ADCY5: variants seen among roughly 807,000 people sequenced by gnomAD.
ADCY5 encodes adenylate cyclase type 5.
ADCY5 carries 30 observed loss-of-function variants against 119.7 expected under a neutral mutation model. The observed-to-expected ratio is 0.25, with a 90% CI of 0.19 to 0.34. ADCY5 has a LOEUF of 0.34. ADCY5 is among the 10% of genes least tolerant of loss of function. The pLI is 1.00. For missense variants in ADCY5, 1,324 were observed against 1,775.2 expected (o/e 0.75, Z 4.57); for synonymous variants, 753 against 762.2 (o/e 0.99, Z 0.20).
In ADCY5 at chr3:123,351,254, A is replaced by AT. The variant is rs1447825584; in HGVS notation, c.1284+1177dup. On this transcript the variant is annotated intron_variant, in intron 2 of 20. Transcript: ENST00000462833. ...TTTGGCTGTCTGGATGTCACCAGCC[A>AT]TATCACTGTGACTCACTTAGGATGC... 5.3e-5 allele frequency among the ~76,000 whole-genome samples: 8 copies of AT among 152,274 alleles called. No individual in the cohort carries two copies. In the East Asian group the frequency reaches 1.5e-3, roughly 29 times the overall value.
chr3:123,441,414 A>C (rs1466932868), intron 1 of ADCY5, among the ~76,000 whole-genome samples: 1 of 152,168 alleles, frequency 6.6e-6, no homozygotes, highest in Non-Finnish European at 1.5e-5. Context: ...TCCAGTCTCC[A>C]CTTGAACACC....
Position 123,447,952 on chromosome 3 carries a change from C to T in ADCY5, c.594G>A (p.Gly198=). Residue 198 remains glycine (G), a synonymous_variant, in exon 1 of 21, where the codon GGG becomes GGA. Transcript: ENST00000462833. ...GSSADSGSGA[G]PGAVLSLGAC... is the part of the protein sequence containing the mutation. ...CGCCCAGGGACAGCACCGCGCCGGGCCCCGCGCCCGAGCCCGAGTCCGCCG... is the reference window on the plus strand; with the variant it reads ...CGCCCAGGGACAGCACCGCGCCGGGTCCCGCGCCCGAGCCCGAGTCCGCCG... 7.2e-6 allele frequency: 11 copies of T among 1,520,814 alleles called. No individual in the cohort carries two copies. The highest frequency in any genetic ancestry group is 9.7e-6 in the Non-Finnish European group (11 of 1,134,154). 94.2% of individuals were successfully genotyped at this position (1,520,814 alleles called of 1,614,324 possible). A position where few individuals can be genotyped will look rare whatever the true frequency, so the allele number is the denominator to read the frequency against.
chr3:123,391,907 G>T (rs60036637), intron 1 of ADCY5, among the ~76,000 whole-genome samples: 488 of 152,284 alleles, frequency 3.2e-3, no homozygotes, highest in African/African-American at 0.011. Context: ...CTCCCAGCTT[G>T]TCTGTCCAGC....
intron 1 of ADCY5, among the ~76,000 whole-genome samples, chr3:123,368,419 A>G (rs1271641333): frequency 1.3e-5 from 2 of 152,204 alleles, no homozygotes; most frequent in Non-Finnish European, 2.9e-5. Flanking sequence ...AACATGGCGA[A>G]ACGCTGTCTC....
chr3:123,364,561 G>A (rs1306437483), intron 1 of ADCY5, among the ~76,000 whole-genome samples: 1 of 152,062 alleles, frequency 6.6e-6, no homozygotes, highest in Non-Finnish European at 1.5e-5. Context: ...ACTCACTGCT[G>A]ACCAGAAGCA....
chr3:123,368,101 G>A, intron 1 of ADCY5: 3 of 1,363,688 alleles, frequency 2.2e-6, no homozygotes, highest in Non-Finnish European at 2.9e-6. Flanking sequence ...TGGGAGTCAG[G>A]AGCCCCAGGG....
Position 123,385,293 on chromosome 3 carries a change from G to GCA in ADCY5, c.1135-32714_1135-32713dup, listed in dbSNP as rs59025602. On this transcript the variant is annotated intron_variant, in intron 1 of 20. Transcript: ENST00000462833. Reference sequence around the variant, plus strand: ...AAAAATGTCCACTGCAGACACACACGCACACACACACACACACGCACGCAC... The same window carrying GCA: ...AAAAATGTCCACTGCAGACACACACGCACACACACACACACACACGCACGCAC... Among the ~76,000 whole-genome samples the GCA allele has an allele frequency of 1.8e-3, 279 of 150,828 alleles. 1 individual carries two copies. Among genetic ancestry groups the GCA allele is most frequent in the African/African-American group, 6.4e-3 (265 of 41,096 alleles).
chr3:123,302,488 T>C (rs1318444206), intron 14 of ADCY5, among the ~76,000 whole-genome samples: 1 of 152,172 alleles, frequency 6.6e-6, no homozygotes, highest in Non-Finnish European at 1.5e-5. Context: ...GGTTTGGGAC[T>C]GGGTTCCTTT....
chr3:123,315,474 T>G (rs1001491393), intron 11 of ADCY5, among the ~76,000 whole-genome samples: 2 of 152,136 alleles, frequency 1.3e-5, no homozygotes, highest in Non-Finnish European at 2.9e-5. Flanking sequence ...GTAACTGAGA[T>G]GACCCAGCCC....
intron 1 of ADCY5, among the ~76,000 whole-genome samples, chr3:123,445,816 G>A (rs1945802976): frequency 6.6e-6 from 1 of 152,132 alleles, no homozygotes; most frequent in Non-Finnish European, 1.5e-5. Context: ...CTTAGGTAAG[G>A]GTGAGAGAAT....
chr3:123,291,263 A>G lies in ADCY5; in HGVS notation c.3177T>C (p.Asn1059=). ...CACAGGACTGATAGTAGAGCTCATC[A>G]TTGCGCCGCTCGCGGGCCAGGAAGT... ...AAHFLARERR[N]DELYYQSCEC... Residue 1059 remains asparagine (N), a synonymous_variant, in exon 18 of 21, where the codon AAT becomes AAC. Coordinates refer to ENST00000462833, the MANE Select transcript of ADCY5 (RefSeq NM_183357.3). 2 of 1,613,978 alleles carry G rather than the reference A, an allele frequency of 1.2e-6. No individual in the cohort carries two copies. Among genetic ancestry groups the G allele is most frequent in the Non-Finnish European group, 1.7e-6 (2 of 1,180,028 alleles).
chr3:123,344,625 C>A (rs908698825), intron 3 of ADCY5, among the ~76,000 whole-genome samples: 1 of 152,100 alleles, frequency 6.6e-6, no homozygotes, highest in African/African-American at 2.4e-5. Flanking sequence ...ACTGCTTAAC[C>A]CCAGCGCCTA....
chr3:123,325,297 A>G, intron 8 of ADCY5, 25 bp downstream of exon 8: 1 of 1,613,310 alleles, frequency 6.2e-7, no homozygotes, highest in Non-Finnish European at 8.5e-7. Flanking sequence ...AGTGTTGCCC[A>G]CAGGCTGCCC....
chr3:123,415,685 C>T (rs573432395), intron 1 of ADCY5, among the ~76,000 whole-genome samples: 11 of 152,192 alleles, frequency 7.2e-5, no homozygotes, highest in Non-Finnish European at 5.9e-5. Context: ...TGGGTCTAAT[C>T]TGGTGCGCCT....
chr3:123,444,774 G>C (rs750973341), intron 1 of ADCY5, among the ~76,000 whole-genome samples: 1 of 152,332 alleles, frequency 6.6e-6, no homozygotes, highest in Middle Eastern at 3.4e-3. Context: ...AGTTTACTGA[G>C]GGCCTACTAT....
At chr3:123,396,047 A>AGG (rs1944544820) in intron 1 of ADCY5, among the ~76,000 whole-genome samples, 1 of 76,238 alleles carries the variant, frequency 1.3e-5, no homozygotes, top group Non-Finnish European at 2.6e-5. Context: ...GGAGGGAGGG[A>AGG]GAGAGGGAGG....
chr3:123,421,365 C>G (rs1007960546), intron 1 of ADCY5, among the ~76,000 whole-genome samples: 2 of 152,174 alleles, frequency 1.3e-5, no homozygotes, highest in African/African-American at 4.8e-5. Flanking sequence ...CAAGGTTGTA[C>G]AGTACATGAA....
chr3:123,284,512 G>T lies in ADCY5; in HGVS notation c.*96C>A. On this transcript the variant is annotated 3_prime_UTR_variant, in exon 21 of 21. Transcript: ENST00000462833. The stretch of plus-strand genomic sequence containing the variant: ...AAAATCTCAGCAGCGCAGCCCTGCG[G>T]GCTGGAGCATGGCTTCCCCGCCACC... 1.3e-6 allele frequency: 2 copies of T among 1,553,768 alleles called. No individual in the cohort carries two copies. Among genetic ancestry groups the T allele is most frequent in the Non-Finnish European group, 8.7e-7 (1 of 1,142,944 alleles).
chr3:123,339,436 T>C (rs1341457650), intron 3 of ADCY5, among the ~76,000 whole-genome samples: 1 of 151,850 alleles, frequency 6.6e-6, no homozygotes, highest in African/African-American at 2.4e-5. Context: ...GAGGGGCATG[T>C]GAACTGGCAG....
Sources: gnomAD v4.1 joint callset for allele counts (sites outside exome capture counted in the v4.1 genomes callset) on GRCh38, gnomAD v4.1.1 for gene constraint, MANE v1.5 for transcripts, NCBI Gene and HGNC (gene_info 2026-07-23, HGNC 2026-07-21) for gene names.